FBXO7: variants seen among roughly 807,000 people sequenced by gnomAD.
FBXO7 encodes the protein F-box protein 7, also known as F-box only protein 7.
In FBXO7, 31 loss-of-function variants were observed where a neutral mutation model predicts 50.2. The ratio of observed to expected loss-of-function variants is 0.62; its 90% CI spans 0.46 to 0.83. The LOEUF is 0.83. Ranked by LOEUF, FBXO7 falls within the 40% of genes least tolerant of loss-of-function variation. The probability of loss-of-function intolerance (pLI) is 0.00; values close to 1 mark genes in which losing one functional copy is unlikely to be tolerated. For missense variants in FBXO7, 667 were observed against 646.6 expected (o/e 1.03, Z -0.34); for synonymous variants, 256 against 253.1 (o/e 1.01, Z -0.11).
At chr22:32,480,089 GTTC>G (rs917049504) in intron 2 of FBXO7, among the ~76,000 whole-genome samples, 4 of 152,136 alleles carry the variant, frequency 2.6e-5, no homozygotes, top group African/African-American at 7.2e-5. Flanking sequence ...AGCTTTGTCA[GTTC>G]TTCTTTTCCA....
Position 32,498,663 on chromosome 22 carries a change from TAA to T in FBXO7, c.*134_*135del. On this transcript the variant is annotated 3_prime_UTR_variant, in exon 9 of 9. Transcript: ENST00000266087. ...GAGAGTTGCACTCCCAGAAACCTTT[TAA>T]GAGATACATTTATAGCCCTAGGGGT... The T allele has an allele frequency of 9.2e-7, 1 of 1,092,156 alleles. No individual in the cohort carries two copies. Among genetic ancestry groups the T allele is most frequent in the South Asian group, 1.4e-5 (1 of 72,594 alleles). The allele number at this position is 1,092,156 out of a possible 1,614,324, so 67.7% of individuals were successfully genotyped here.
intron 8 of FBXO7, among the ~76,000 whole-genome samples, chr22:32,496,661 C>T (rs1255701174): frequency 6.6e-6 from 1 of 152,210 alleles, no homozygotes; most frequent in Non-Finnish European, 1.5e-5. Flanking sequence ...AATACTACTG[C>T]TCATTGACAA....
chr22:32,487,680 TA>T, intron 4 of FBXO7, 64 bp from the exon 5 acceptor site: 4 of 1,034,310 alleles, frequency 3.9e-6, no homozygotes, highest in South Asian at 1.3e-5. Context: ...AAGCCCATAC[TA>T]AAAAAGAAAG....
At chr22:32,487,882 G>T in intron 5 of FBXO7, 54 bp downstream of exon 5, 1 of 1,101,884 alleles carries the variant, frequency 9.1e-7, no homozygotes, top group South Asian at 1.3e-5. Flanking sequence ...ATTCATATAA[G>T]AAAAAAATCT....
In FBXO7 at chr22:32,491,146, A is replaced by T; in HGVS notation, c.932A>T (p.Gln311Leu). 7 of 1,613,196 alleles carry T rather than the reference A, an allele frequency of 4.3e-6. No homozygotes were observed. Among genetic ancestry groups the T allele is most frequent in the South Asian group, 1.1e-5 (1 of 91,048 alleles). The change falls in exon 6 of 9, where the codon CAG becomes CTG. Residue 311 changes from glutamine (Q) to leucine (L), a missense_variant. Gln to Leu is a moderately radical substitution (Grantham distance 113). Coordinates refer to ENST00000266087, the MANE Select transcript of FBXO7 (RefSeq NM_012179.4). The stretch of plus-strand genomic sequence containing the variant: ...AAACTCTCTCGCCTCTTTAAAGACC[A>T]GCTGGTGTATCCTCTTCTGGCTTTT... The part of the protein sequence containing the change: ...LQKLSRLFKD[Q>L]LVYPLLAFTR...
chr22:32,496,172 A>C (rs1601518942), intron 8 of FBXO7, among the ~76,000 whole-genome samples: 1 of 152,204 alleles, frequency 6.6e-6, no homozygotes, highest in East Asian at 1.9e-4. Flanking sequence ...TGAAAATCCT[A>C]GGGCCCTTAA....
rs1018347290 is a variant in FBXO7, at chr22:32,498,672, C to T, written c.*142C>T. 8 of 1,006,304 alleles carry T rather than the reference C, an allele frequency of 7.9e-6. No homozygotes were observed. The highest frequency in any genetic ancestry group is 6.4e-5 in the African/African-American group (4 of 62,750). 62.3% of individuals were successfully genotyped at this position (1,006,304 alleles called of 1,614,324 possible). ...ACTCCCAGAAACCTTTTAAGAGATA[C>T]ATTTATAGCCCTAGGGGTGGTATGA... is the stretch of plus-strand genomic sequence containing the variant. On this transcript the variant is annotated 3_prime_UTR_variant, in exon 9 of 9. Coordinates refer to ENST00000266087, the MANE Select transcript of FBXO7 (RefSeq NM_012179.4).
At position 32,498,206 on chromosome 22, in the gene FBXO7, G is replaced by T; in HGVS notation, c.1245G>T (p.Leu415=). ...ESPKGRFVML[L]PSSTHTIPFY... ...CGAAAGGGCGGTTTGTGATGCTCCT[G>T]CCATCGTCAACTCACACCATTCCAT... Residue 415 remains leucine, a synonymous_variant, in exon 9 of 9, where the codon CTG becomes CTT. Coordinates refer to ENST00000266087, the MANE Select transcript of FBXO7 (RefSeq NM_012179.4). 1 of 1,614,176 alleles carries T rather than the reference G, an allele frequency of 6.2e-7. No individual in the cohort carries two copies. The highest frequency in any genetic ancestry group is 8.5e-7 in the Non-Finnish European group (1 of 1,180,020).
At position 32,498,300 on chromosome 22, in the gene FBXO7, G is replaced by C. The variant is rs1356552654; in HGVS notation, c.1339G>C (p.Glu447Gln). The C allele has an allele frequency of 6.2e-7, 1 of 1,614,154 alleles. No homozygotes were observed. Among genetic ancestry groups the C allele is most frequent in the Admixed American group, 1.7e-5 (1 of 60,028 alleles). Residue 447 changes from glutamate to glutamine, a missense_variant, in exon 9 of 9, where the codon GAA (glutamate) becomes CAA (glutamine). Transcript: ENST00000266087. Reference protein sequence around the residue: ...SRLPPGIIGGEYDQRPTLPYV... With the variant: ...SRLPPGIIGGQYDQRPTLPYV... ...CCTTCCTCCAGGAATTATCGGGGGTGAATATGACCAAAGACCAACACTTCC... is the reference window on the plus strand; with the variant it reads ...CCTTCCTCCAGGAATTATCGGGGGTCAATATGACCAAAGACCAACACTTCC...
intron 4 of FBXO7, among the ~76,000 whole-genome samples, chr22:32,486,796 T>C (rs2057501670): frequency 6.6e-6 from 1 of 152,216 alleles, no homozygotes; most frequent in African/African-American, 2.4e-5. Context: ...TCATCATAAT[T>C]AGCAAATGTA....
In FBXO7 at chr22:32,498,566, T is replaced by G; in HGVS notation, c.*36T>G. 1 of 1,597,446 alleles carries G rather than the reference T, an allele frequency of 6.3e-7. No individual in the cohort carries two copies. Among genetic ancestry groups the G allele is most frequent in the Non-Finnish European group, 8.5e-7 (1 of 1,175,408 alleles). Reference sequence around the variant, plus strand: ...ATTTCATTTCTGGAGCTCCATTTGTTTTTGTTTCTAAACTACAGATGTCAA... The same window carrying G: ...ATTTCATTTCTGGAGCTCCATTTGTGTTTGTTTCTAAACTACAGATGTCAA... On this transcript the variant is annotated 3_prime_UTR_variant, in exon 9 of 9. Transcript: ENST00000266087.
chr22:32,496,572 A>AC (rs2057576579), intron 8 of FBXO7, among the ~76,000 whole-genome samples: 1 of 152,222 alleles, frequency 6.6e-6, no homozygotes, highest in Non-Finnish European at 1.5e-5. Flanking sequence ...GGATGACAGT[A>AC]CATCATTTAT....
At chr22:32,477,025 C>G (rs1409831000) in intron 1 of FBXO7, among the ~76,000 whole-genome samples, 1 of 152,066 alleles carries the variant, frequency 6.6e-6, no homozygotes, top group African/African-American at 2.4e-5. Flanking sequence ...GACAAATGAC[C>G]CATAAACACA....
At chr22:32,483,424 AT>A (rs1397469765) in intron 2 of FBXO7, among the ~76,000 whole-genome samples, 2 of 152,212 alleles carry the variant, frequency 1.3e-5, no homozygotes, top group African/African-American at 2.4e-5. Context: ...ACATGATCAG[AT>A]TTTTAATTGT....
chr22:32,496,829 G>A (rs547550808), intron 8 of FBXO7, among the ~76,000 whole-genome samples: 9 of 152,242 alleles, frequency 5.9e-5, no homozygotes, highest in Non-Finnish European at 1.0e-4. Context: ...ATAGTTGCCA[G>A]AGATGGTGAT....
At chr22:32,486,597 A>G (rs1568975723) in intron 4 of FBXO7, among the ~76,000 whole-genome samples, 1 of 152,150 alleles carries the variant, frequency 6.6e-6, no homozygotes, top group South Asian at 2.1e-4. Flanking sequence ...TTGACTTCCC[A>G]AAGTGCTGGG....
At chr22:32,482,275 CTT>C (rs2057469641) in intron 2 of FBXO7, among the ~76,000 whole-genome samples, 1 of 152,112 alleles carries the variant, frequency 6.6e-6, no homozygotes, top group Non-Finnish European at 1.5e-5. Context: ...TAACAGGTGA[CTT>C]TGGATCTTTT....
At chr22:32,477,653 A>G (rs1251946025) in intron 1 of FBXO7, among the ~76,000 whole-genome samples, 3 of 152,228 alleles carry the variant, frequency 2.0e-5, no homozygotes, top group Admixed American at 6.5e-5. Flanking sequence ...ATACTCAGTC[A>G]TATACATAAT....
Position 32,484,086 on chromosome 22 carries a change from A to G in FBXO7, c.607A>G (p.Ile203Val). ...TGCCAATGATGCCTTGATAGTGTTGATACATCTTCTCATGTTGGAGTCAGG... is the reference window on the plus strand; with the variant it reads ...TGCCAATGATGCCTTGATAGTGTTGGTACATCTTCTCATGTTGGAGTCAGG... Reference protein sequence around the residue: ...SDANDALIVLIHLLMLESGYI... With the variant: ...SDANDALIVLVHLLMLESGYI... Residue 203 changes from isoleucine to valine, a missense_variant, in exon 3 of 9, where the codon ATA becomes GTA. Transcript: ENST00000266087. 1.2e-6 allele frequency: 2 copies of G among 1,614,140 alleles called. No homozygotes were observed. Among genetic ancestry groups the G allele is most frequent in the Non-Finnish European group, 1.7e-6 (2 of 1,180,010 alleles).
Sources: allele counts gnomAD v4.1 joint callset (sites outside exome capture counted in the v4.1 genomes callset), GRCh38; gene constraint gnomAD v4.1.1; transcripts MANE v1.5; gene names NCBI Gene and HGNC (gene_info 2026-07-23, HGNC 2026-07-21).